The following ARHGAP26 variants were observed in gnomAD, a reference collection of about 807,000 sequenced individuals.
ARHGAP26 encodes Rho GTPase activating protein 26.
ARHGAP26 carries 38 observed loss-of-function variants against 104.8 expected under a neutral mutation model. The ratio of observed to expected loss-of-function variants is 0.36; its 90% CI spans 0.28 to 0.48. The LOEUF (loss-of-function observed/expected upper bound fraction) is 0.48. Ranked by LOEUF, ARHGAP26 falls within the 20% of genes least tolerant of loss-of-function variation. The pLI is 0.99. For missense variants in ARHGAP26, 704 were observed against 947.9 expected (o/e 0.74, Z 3.38); for synonymous variants, 341 against 340.0 (o/e 1.00, Z -0.03).
rs1357732939 is a variant in ARHGAP26, at chr5:143,006,946, A to T, written c.1108-7134A>T. ...CTCAGGGGTGTTATTAAAAGTTCCT[A>T]AGCCTGGGCACAGTGGCTCATGCCT... On this transcript the variant is annotated intron_variant, in intron 11 of 22. Coordinates refer to ENST00000645722, the MANE Select transcript of ARHGAP26 (RefSeq NM_001135608.3). Among the ~76,000 whole-genome samples the T allele has an allele frequency of 3.3e-5, 5 of 152,204 alleles. No individual in the cohort carries two copies. In the South Asian group the frequency reaches 8.3e-4, roughly 25 times the overall value.
intron 17 of ARHGAP26, among the ~76,000 whole-genome samples, chr5:143,100,116 A>C (rs957861697): frequency 3.0e-4 from 46 of 152,238 alleles, no homozygotes; most frequent in African/African-American, 1.0e-3. Flanking sequence ...TGGCTATGGG[A>C]GCTCCAGGTG....
At chr5:142,792,393 C>T (rs987783058) in intron 1 of ARHGAP26, among the ~76,000 whole-genome samples, 3 of 152,174 alleles carry the variant, frequency 2.0e-5, no homozygotes, top group East Asian at 1.9e-4. Flanking sequence ...TCTTGGGCTC[C>T]GTTTCTGTGT....
chr5:142,770,986 G>A, intron 1 of ARHGAP26, 71 bp downstream of exon 1: 2 of 1,496,780 alleles, frequency 1.3e-6, no homozygotes. Context: ...CTTAGCCCGG[G>A]TTGCCCGCGC....
chr5:143,110,429 A>G (rs1386178185), intron 17 of ARHGAP26, among the ~76,000 whole-genome samples: 1 of 152,234 alleles, frequency 6.6e-6, no homozygotes, highest in East Asian at 1.9e-4. Context: ...TTGGGTAGAA[A>G]GTCCCAAAGC....
At chr5:143,085,574 A>G (rs1349689332) in intron 17 of ARHGAP26, among the ~76,000 whole-genome samples, 2 of 152,186 alleles carry the variant, frequency 1.3e-5, no homozygotes, top group African/African-American at 2.4e-5. Flanking sequence ...TTTAAGCCAG[A>G]TAATTAGTCT....
intron 11 of ARHGAP26, among the ~76,000 whole-genome samples, chr5:142,940,176 C>T (rs1013191515): frequency 1.1e-4 from 17 of 152,202 alleles, no homozygotes; most frequent in Non-Finnish European, 2.2e-4. Flanking sequence ...CACCAGTCTG[C>T]GGCTGACACT....
At chr5:143,124,209 G>T (rs1350144259) in intron 18 of ARHGAP26, among the ~76,000 whole-genome samples, 1 of 152,140 alleles carries the variant, frequency 6.6e-6, no homozygotes, top group Non-Finnish European at 1.5e-5. Flanking sequence ...TATTTACTTT[G>T]TGCTTCGGAA....
chr5:143,047,370 A>G (rs1488343583), intron 14 of ARHGAP26, among the ~76,000 whole-genome samples: 2 of 152,232 alleles, frequency 1.3e-5, no homozygotes, highest in Non-Finnish European at 2.9e-5. Flanking sequence ...CCTCCATAGT[A>G]ATGTGAGGAT....
chr5:142,870,913 G>A (rs1228643204), intron 1 of ARHGAP26, among the ~76,000 whole-genome samples: 1 of 152,192 alleles, frequency 6.6e-6, no homozygotes, highest in Non-Finnish European at 1.5e-5. Context: ...AGCTTGAGAT[G>A]CTGTCCCAAA....
intron 4 of ARHGAP26, among the ~76,000 whole-genome samples, chr5:142,880,678 G>C (rs1050811345): frequency 7.9e-5 from 12 of 152,092 alleles, no homozygotes; most frequent in African/African-American, 2.9e-4. Context: ...TTCAGCTGCG[G>C]TCTCTTACGC....
intron 17 of ARHGAP26, among the ~76,000 whole-genome samples, chr5:143,070,754 A>G (rs1322272554): frequency 1.3e-5 from 2 of 152,174 alleles, no homozygotes; most frequent in Non-Finnish European, 1.5e-5. Context: ...TACTAAAAAT[A>G]CAAAAATTAG....
In ARHGAP26 at chr5:142,849,789, T is replaced by G. The variant is rs1275971510; in HGVS notation, c.155-23611T>G. Reference sequence around the variant, plus strand: ...GCTGGTGCCTCAATCCTGCCGTGTTTCTGTCCTCTTTCCTCCAGTCTGCTT... The same window carrying G: ...GCTGGTGCCTCAATCCTGCCGTGTTGCTGTCCTCTTTCCTCCAGTCTGCTT... On this transcript the variant is annotated intron_variant, in intron 1 of 22. Coordinates refer to ENST00000645722, the MANE Select transcript of ARHGAP26 (RefSeq NM_001135608.3). Among the ~76,000 whole-genome samples, 4 of 152,176 alleles carry G rather than the reference T, an allele frequency of 2.6e-5. No homozygotes were observed. In the East Asian group the frequency reaches 7.7e-4, roughly 29 times the overall value.
At chr5:143,061,815 A>G (rs1462469370) in intron 17 of ARHGAP26, among the ~76,000 whole-genome samples, 1 of 152,140 alleles carries the variant, frequency 6.6e-6, no homozygotes, top group Non-Finnish European at 1.5e-5. Context: ...AGCATACTTT[A>G]TTGTGTCCTT....
intron 8 of ARHGAP26, among the ~76,000 whole-genome samples, chr5:142,905,763 G>A (rs534120503): frequency 6.6e-6 from 1 of 152,244 alleles, no homozygotes; most frequent in Non-Finnish European, 1.5e-5. Context: ...AGCTAAAATC[G>A]CAATTGAACT....
chr5:143,142,134 C>CTTTTTTTTTTTTTTTTTTTTT (rs762332039), intron 19 of ARHGAP26, among the ~76,000 whole-genome samples: 1 of 105,348 alleles, frequency 9.5e-6, no homozygotes, highest in African/African-American at 4.1e-5. Flanking sequence ...CTACTTTTCA[C>CTTTTTTTTTTTTTTTTTTTTT]TTTTTTTTTT....
chr5:142,944,919 A>C (rs1352406093), intron 11 of ARHGAP26, among the ~76,000 whole-genome samples: 3 of 152,092 alleles, frequency 2.0e-5, no homozygotes, highest in African/African-American at 7.2e-5. Flanking sequence ...CCTGTTTTCT[A>C]GCAGCGCCGC....
At chr5:142,854,434 G>A (rs1311937177) in intron 1 of ARHGAP26, among the ~76,000 whole-genome samples, 7 of 152,196 alleles carry the variant, frequency 4.6e-5, no homozygotes, top group African/African-American at 1.2e-4. Flanking sequence ...TTTGGGGAAC[G>A]TAAGGACTAT....
At chr5:143,014,463 G>A (rs1174001536) in intron 12 of ARHGAP26, 4 of 262,132 alleles carry the variant, frequency 1.5e-5, no homozygotes, top group Non-Finnish European at 1.5e-5. Context: ...TCAACTCCTG[G>A]AGAGCCTTAT....
chr5:142,893,506 C>T (rs774493739), intron 5 of ARHGAP26, among the ~76,000 whole-genome samples: 3 of 152,122 alleles, frequency 2.0e-5, no homozygotes, highest in Non-Finnish European at 4.4e-5. Flanking sequence ...ATCCATTGAA[C>T]ACTTAGGTTC....
Sources: gnomAD v4.1 joint callset for allele counts (sites outside exome capture counted in the v4.1 genomes callset) on GRCh38, gnomAD v4.1.1 for gene constraint, MANE v1.5 for transcripts, NCBI Gene and HGNC (gene_info 2026-07-23, HGNC 2026-07-21) for gene names.